ZMYM2: variants seen among roughly 807,000 people sequenced by gnomAD.
The protein encoded by ZMYM2 is zinc finger MYM-type containing 2, also known as zinc finger MYM-type protein 2.
Under a neutral mutation model 162.8 loss-of-function variants are expected in ZMYM2, and 56 were observed. The ratio of observed to expected loss-of-function variants is 0.34; its 90% confidence interval spans 0.28 to 0.43. The LOEUF (loss-of-function observed/expected upper bound fraction) is 0.43, where lower values mean the gene tolerates loss of function less well. Among genes scored for constraint, ZMYM2 ranks in the 20% least tolerant of loss-of-function variants. The probability of loss-of-function intolerance (pLI) is 1.00; values close to 1 mark genes in which losing one functional copy is unlikely to be tolerated. For synonymous variants in ZMYM2, 510 were observed against 541.6 expected (o/e 0.94, Z 0.81); for missense variants, 1,275 against 1,621.8 (o/e 0.79, Z 3.67).
At chr13:19,981,304 A>AC (rs1957302384) in intron 2 of ZMYM2, among the ~76,000 whole-genome samples, 1 of 140,694 alleles carries the variant, frequency 7.1e-6, no homozygotes, top group African/African-American at 3.2e-5. Flanking sequence ...CAAACAAACA[A>AC]AAAAAAAAAC....
chr13:20,068,130 G>C (rs561020453), intron 21 of ZMYM2: 11 of 179,914 alleles, frequency 6.1e-5, no homozygotes, highest in Non-Finnish European at 1.3e-4. Flanking sequence ...CAGATATATA[G>C]TGCATGGCTA....
At chr13:19,904,698 T>C in the ZMYM2 span, among the ~76,000 whole-genome samples, 2 of 152,202 alleles carry the variant, frequency 1.3e-5, no homozygotes, top group Admixed American at 6.6e-5. Flanking sequence ...CAAACAAACA[T>C]CTGGATATCT....
Position 20,067,359 on chromosome 13 carries a change from G to A in ZMYM2, c.3422G>A (p.Ser1141Asn). 6.2e-7 allele frequency: 1 copy of A among 1,611,140 alleles called. No homozygotes were observed. The change falls in exon 21 of 25, where the codon AGC becomes AAC. Residue 1141 changes from serine (S) to asparagine (N), a missense_variant. This residue lies in a region of ZMYM2 where 229 missense variants were observed against 283.8 expected (regional missense o/e 0.81). Coordinates refer to ENST00000610343, the MANE Select transcript of ZMYM2 (RefSeq NM_197968.4). ...AATGGAGAGAATTATGCACCTGACA[G>A]CATCTATTACCTTTGCCTTGGAATA... The part of the protein sequence containing the change: ...RPNGENYAPD[S>N]IYYLCLGIQE...
chr13:19,926,840 G>C, the ZMYM2 span, among the ~76,000 whole-genome samples: 1 of 151,926 alleles, frequency 6.6e-6, no homozygotes, highest in Admixed American at 6.6e-5. Context: ...GCTAATTTTT[G>C]TATTTTTTGT....
At chr13:20,019,351 A>G (rs897445319) in intron 6 of ZMYM2, among the ~76,000 whole-genome samples, 196 bp from the exon 7 acceptor site, 2 of 152,134 alleles carry the variant, frequency 1.3e-5, no homozygotes, top group African/African-American at 4.8e-5. Context: ...TTTTTCTAAG[A>G]TAAAATTATT....
At chr13:19,869,976 C>G in the ZMYM2 span, among the ~76,000 whole-genome samples, 1 of 152,072 alleles carries the variant, frequency 6.6e-6, no homozygotes, top group Non-Finnish European at 1.5e-5. Context: ...TGGGAAGAAG[C>G]TCACCTGGGT....
the ZMYM2 span, among the ~76,000 whole-genome samples, chr13:19,870,514 CCTCT>C: frequency 6.0e-4 from 84 of 138,984 alleles, 1 homozygote; most frequent in Middle Eastern, 3.6e-3. Flanking sequence ...TCCCTCCCTC[CCTCT>C]TTCTCTCTTT....
intron 2 of ZMYM2, 103 bp from the exon 3 acceptor site, chr13:19,992,960 G>C: frequency 2.4e-6 from 3 of 1,262,706 alleles, no homozygotes; most frequent in Non-Finnish European, 3.2e-6. Context: ...ACTTCATTTA[G>C]AATAAAAATA....
At chr13:19,912,292 G>GTTTTTTTTTTTTTTT in the ZMYM2 span, among the ~76,000 whole-genome samples, 2 of 75,716 alleles carry the variant, frequency 2.6e-5, no homozygotes, top group African/African-American at 5.2e-5. Context: ...TGTTTTTTGG[G>GTTTTTTTTTTTTTTT]TTTTTTTTTT....
chr13:19,903,498 A>G, the ZMYM2 span, among the ~76,000 whole-genome samples: 3 of 151,002 alleles, frequency 2.0e-5, no homozygotes, highest in African/African-American at 7.3e-5. Context: ...AAAAAAAAAA[A>G]AAAAAAGAAA....
chr13:20,056,190 T>G (rs914446929), intron 14 of ZMYM2, among the ~76,000 whole-genome samples: 4 of 152,212 alleles, frequency 2.6e-5, no homozygotes, highest in African/African-American at 9.7e-5. Context: ...CTCAAAATTC[T>G]TGAGCACTTG....
At chr13:20,062,406 C>T (rs558338315) in intron 17 of ZMYM2, among the ~76,000 whole-genome samples, 8 of 152,256 alleles carry the variant, frequency 5.3e-5, no homozygotes, top group African/African-American at 1.7e-4. Context: ...CACTTGAAAG[C>T]AACTGATCGA....
intron 5 of ZMYM2, among the ~76,000 whole-genome samples, chr13:20,005,574 C>G (rs1430619380): frequency 6.6e-6 from 1 of 152,040 alleles, no homozygotes; most frequent in East Asian, 1.9e-4. Context: ...AGCAGGCAGA[C>G]TACACAAGAA....
At chr13:20,064,697 T>C (rs976565068) in intron 19 of ZMYM2, among the ~76,000 whole-genome samples, 152 bp downstream of exon 19, 6 of 144,272 alleles carry the variant, frequency 4.2e-5, no homozygotes, top group Admixed American at 4.1e-4. Flanking sequence ...ATAGTAATAA[T>C]ATATTACTGC....
At chr13:19,947,060 G>T in the ZMYM2 span, among the ~76,000 whole-genome samples, 1 of 148,992 alleles carries the variant, frequency 6.7e-6, no homozygotes, top group South Asian at 2.1e-4. Context: ...TATTTATTTT[G>T]AGACAGAGTC....
chr13:19,975,958 A>G (rs925983721), intron 2 of ZMYM2, among the ~76,000 whole-genome samples: 5 of 152,086 alleles, frequency 3.3e-5, no homozygotes, highest in East Asian at 1.9e-4. Context: ...CCTGGCCTCA[A>G]TTGATTCTTT....
chr13:20,058,542 A>G, intron 14 of ZMYM2, 33 bp from the exon 15 acceptor site: 1 of 1,598,128 alleles, frequency 6.3e-7, no homozygotes, highest in Non-Finnish European at 8.5e-7. Flanking sequence ...ATTAGACATA[A>G]AAATAAAAAT....
In ZMYM2 at chr13:20,005,292, A is replaced by G. The variant is rs982991114; in HGVS notation, c.1299+53A>G. ...ATTCTAACAAATAGGAATATTTTAAACTTCATTTAAGAACTATTAGATAAT... is the reference window on the plus strand; with the variant it reads ...ATTCTAACAAATAGGAATATTTTAAGCTTCATTTAAGAACTATTAGATAAT... On this transcript the variant is annotated intron_variant, in intron 5 of 24. Transcript: ENST00000610343. 2.2e-5 allele frequency: 29 copies of G among 1,329,500 alleles called. No homozygotes were observed. The Admixed American group carries it at 8.9e-4, about 41-fold the overall frequency. The allele number at this position is 1,329,500 out of a possible 1,614,324, so 82.4% of individuals were successfully genotyped here. A position where few individuals can be genotyped will look rare whatever the true frequency, so the allele number is the denominator to read the frequency against.
chr13:19,882,896 C>T, the ZMYM2 span, among the ~76,000 whole-genome samples: 1 of 152,204 alleles, frequency 6.6e-6, no homozygotes, highest in African/African-American at 2.4e-5. Flanking sequence ...GCAATTCATT[C>T]CTGGGTTTAT....
Sources: gnomAD v4.1 joint callset for allele counts (sites outside exome capture counted in the v4.1 genomes callset) on GRCh38, gnomAD v4.1.1 for gene constraint, gnomAD v4.1.1 regional missense constraint, MANE v1.5 for transcripts, NCBI Gene and HGNC (gene_info 2026-07-23, HGNC 2026-07-21) for gene names.